Variants in TACR3 observed in about 807,000 individuals in gnomAD.
The protein encoded by TACR3 is neuromedin-K receptor.
TACR3 carries 34 observed loss-of-function variants against 35.0 expected under a neutral mutation model. The ratio of observed to expected loss-of-function variants is 0.97; its 90% CI spans 0.74 to 1.30. The LOEUF (loss-of-function observed/expected upper bound fraction) is 1.30, where lower values mean the gene tolerates loss of function less well. TACR3 is among the 50% of genes most tolerant of loss of function. The pLI is 0.00. For missense variants in TACR3, 558 were observed against 591.7 expected (o/e 0.94, Z 0.59); for synonymous variants, 233 against 221.1 (o/e 1.05, Z -0.48).
intron 3 of TACR3, among the ~76,000 whole-genome samples, chr4:103,632,528 G>A (rs1725091018): frequency 6.6e-6 from 1 of 151,930 alleles, no homozygotes; most frequent in African/African-American, 2.4e-5. Flanking sequence ...ACATACAGCA[G>A]GGTCTGTTGG....
At chr4:103,634,099 C>G (rs1725127357) in intron 3 of TACR3, among the ~76,000 whole-genome samples, 1 of 152,016 alleles carries the variant, frequency 6.6e-6, no homozygotes, top group Non-Finnish European at 1.5e-5. Context: ...TGGCATTAAC[C>G]CTTTTACTTT....
intron 1 of TACR3, among the ~76,000 whole-genome samples, chr4:103,660,589 G>T (rs1344781406): frequency 5.3e-5 from 8 of 151,716 alleles, no homozygotes; most frequent in Non-Finnish European, 1.0e-4. Context: ...ATTTTTTGAG[G>T]TGATGGATAT....
At chr4:103,623,052 T>C (rs1724818607) in intron 3 of TACR3, among the ~76,000 whole-genome samples, 1 of 152,142 alleles carries the variant, frequency 6.6e-6, no homozygotes, top group African/African-American at 2.4e-5. Flanking sequence ...CTAATGTATT[T>C]AAAATAATGT....
rs72945343 is a variant in TACR3, at chr4:103,617,149, A to G, written c.889-25466T>C. On this transcript the variant is annotated intron_variant, in intron 3 of 4. Coordinates refer to ENST00000304883, the MANE Select transcript of TACR3 (RefSeq NM_001059.3). ...ACATGTGAATAAATAGAAAAATGTA[A>G]TCCATAGTCAAGAAACAAAATGAGC... 6.0e-3 allele frequency among the ~76,000 whole-genome samples: 920 copies of G among 152,308 alleles called. 11 individuals carry two copies. The highest frequency in any genetic ancestry group is 0.021 in the African/African-American group (863 of 41,562).
intron 3 of TACR3, among the ~76,000 whole-genome samples, chr4:103,593,114 A>G (rs780085218): frequency 6.6e-6 from 1 of 152,192 alleles, no homozygotes; most frequent in Non-Finnish European, 1.5e-5. Context: ...CATAATTCAT[A>G]TATTTGTGAA....
intron 3 of TACR3, 30 bp from the exon 4 acceptor site, chr4:103,591,713 A>T (rs1461035524): frequency 1.3e-6 from 2 of 1,573,264 alleles, no homozygotes; most frequent in Non-Finnish European, 1.7e-6. Flanking sequence ...TTTTTGACAA[A>T]TATAATACTC....
At chr4:103,598,874 A>T (rs1049684564) in intron 3 of TACR3, among the ~76,000 whole-genome samples, 1 of 152,146 alleles carries the variant, frequency 6.6e-6, no homozygotes, top group Admixed American at 6.5e-5. Context: ...GTATAGTTTG[A>T]AGTCAGGTAG....
At chr4:103,652,356 T>A (rs960275306) in intron 3 of TACR3, among the ~76,000 whole-genome samples, 1 of 152,094 alleles carries the variant, frequency 6.6e-6, no homozygotes, top group Non-Finnish European at 1.5e-5. Flanking sequence ...TCAGTTTTGC[T>A]TTCTCCTGTG....
At chr4:103,673,487 T>C (rs1468564501) in intron 1 of TACR3, among the ~76,000 whole-genome samples, 1 of 152,122 alleles carries the variant, frequency 6.6e-6, no homozygotes, top group Non-Finnish European at 1.5e-5. Flanking sequence ...AGTCAGAACA[T>C]ATACATTTGC....
At chr4:103,690,134 C>T (rs996925692) in intron 1 of TACR3, among the ~76,000 whole-genome samples, 14 of 152,098 alleles carry the variant, frequency 9.2e-5, no homozygotes, top group Middle Eastern at 3.4e-3. Flanking sequence ...GCAAGACAAA[C>T]GAGACAATGC....
intron 3 of TACR3, among the ~76,000 whole-genome samples, chr4:103,623,961 T>G (rs189247041): frequency 1.4e-4 from 22 of 152,316 alleles, no homozygotes; most frequent in African/African-American, 5.3e-4. Flanking sequence ...ACACACTACC[T>G]TGTTCAATCT....
intron 3 of TACR3, 40 bp from the exon 4 acceptor site, chr4:103,591,723 C>G: frequency 6.5e-7 from 1 of 1,542,950 alleles, no homozygotes; most frequent in African/African-American, 1.4e-5. Context: ...ATATAATACT[C>G]ATAATAGTTC....
In TACR3 at chr4:103,587,236, A is replaced by C. The variant is rs1723785621; in HGVS notation, c.*2446T>G. 6.6e-6 allele frequency: 1 copy of C among 151,452 alleles called. No homozygotes were observed. Among genetic ancestry groups the C allele is most frequent in the Non-Finnish European group, 1.5e-5 (1 of 67,986 alleles). The allele number at this position is 151,452 out of a possible 1,614,324, so 9.4% of individuals were successfully genotyped here. A position where few individuals can be genotyped will look rare whatever the true frequency, so the allele number is the denominator to read the frequency against. On this transcript the variant is annotated 3_prime_UTR_variant, in exon 5 of 5. Transcript: ENST00000304883. ...CAAAATGCAGACAAAAGAGTGAAAA[A>C]TCTTCTCTTTTATATTTCACTCTTG... is the stretch of plus-strand genomic sequence containing the variant.
At chr4:103,701,713 T>C (rs1041997904) in intron 1 of TACR3, among the ~76,000 whole-genome samples, 19 of 152,042 alleles carry the variant, frequency 1.2e-4, no homozygotes, top group Non-Finnish European at 2.6e-4. Context: ...TATAGATCAA[T>C]GGAACAGAAC....
At chr4:103,699,862 C>T (rs1478872407) in intron 1 of TACR3, among the ~76,000 whole-genome samples, 1 of 146,080 alleles carries the variant, frequency 6.8e-6, no homozygotes. Context: ...TGAGATGACC[C>T]TCAGACACTC....
chr4:103,634,779 T>C (rs756121398), intron 3 of TACR3, among the ~76,000 whole-genome samples: 4 of 152,102 alleles, frequency 2.6e-5, no homozygotes, highest in African/African-American at 7.2e-5. Flanking sequence ...TCAGTATCCA[T>C]AGCTAATAGA....
chr4:103,691,576 G>A (rs1027330710), intron 1 of TACR3, among the ~76,000 whole-genome samples: 1 of 152,088 alleles, frequency 6.6e-6, no homozygotes, highest in African/African-American at 2.4e-5. Flanking sequence ...TCTGTATGTT[G>A]GCAGCAGGCC....
intron 1 of TACR3, among the ~76,000 whole-genome samples, chr4:103,680,508 C>CATATATATATAT (rs1254287991): frequency 2.9e-4 from 42 of 145,806 alleles, no homozygotes; most frequent in Non-Finnish European, 5.4e-4. Context: ...CACACACACA[C>CATATATATATAT]ACACATATAT....
intron 3 of TACR3, among the ~76,000 whole-genome samples, chr4:103,594,314 A>C (rs1426357319): frequency 6.6e-6 from 1 of 151,798 alleles, no homozygotes; most frequent in Non-Finnish European, 1.5e-5. Flanking sequence ...AGTAGCTGGG[A>C]TTACAGGAGC....
Sources: allele counts gnomAD v4.1 joint callset (sites outside exome capture counted in the v4.1 genomes callset), GRCh38; gene constraint gnomAD v4.1.1; transcripts MANE v1.5; gene names NCBI Gene and HGNC (gene_info 2026-07-23, HGNC 2026-07-21).